ZC3H7B: variants seen among roughly 807,000 people sequenced by gnomAD.
ZC3H7B encodes zinc finger CCCH-type containing 7B.
In ZC3H7B, 35 loss-of-function variants were observed where a neutral mutation model predicts 116.0. The observed-to-expected ratio is 0.30, with a 90% CI of 0.23 to 0.40. The LOEUF (loss-of-function observed/expected upper bound fraction) is 0.40. ZC3H7B is among the 10% of genes least tolerant of loss of function. ZC3H7B has a pLI of 1.00. For missense variants in ZC3H7B, 1,011 were observed against 1,321.5 expected (o/e 0.77, Z 3.64); for synonymous variants, 502 against 545.6 (o/e 0.92, Z 1.11).
rs2036309731 is a variant in ZC3H7B, at chr22:41,325,705, A to G, written c.88-16A>G. The G allele has an allele frequency of 6.2e-7, 1 of 1,610,800 alleles. No individual in the cohort carries two copies. The highest frequency in any genetic ancestry group is 8.5e-7 in the Non-Finnish European group (1 of 1,178,708). On this transcript the variant is annotated splice_polypyrimidine_tract_variant and intron_variant, in intron 3 of 22. Coordinates refer to ENST00000352645, the MANE Select transcript of ZC3H7B (RefSeq NM_017590.6). ...GCCAGAGGTCATGAGCCCCCTACAC[A>G]CCTTGCCCCCAACAGGCCTTTCTGC... is the stretch of plus-strand genomic sequence containing the variant.
In ZC3H7B at chr22:41,355,528, C is replaced by T; in HGVS notation, c.2094C>T (p.Gly698=). The T allele has an allele frequency of 1.2e-6, 2 of 1,614,156 alleles. No homozygotes were observed. The highest frequency in any genetic ancestry group is 1.7e-6 in the Non-Finnish European group (2 of 1,180,024). Residue 698 remains glycine, a synonymous_variant, in exon 18 of 23, where the codon GGC becomes GGT. Transcript: ENST00000352645. ...TFDLQMKFVC[G]QCWRNGQVVE... is the part of the protein sequence containing the mutation. ...ACCTGCAGATGAAGTTTGTATGTGG[C>T]CAGTGCTGGAGAAACGGGCAGGTGG...
At chr22:41,329,135 G>A (rs1236528466) in intron 5 of ZC3H7B, among the ~76,000 whole-genome samples, 2 of 150,698 alleles carry the variant, frequency 1.3e-5, no homozygotes, top group African/African-American at 2.4e-5. Flanking sequence ...AACTCAGGAG[G>A]CAAAGGTTGT....
chr22:41,337,205 G>A (rs1192196397), intron 7 of ZC3H7B, among the ~76,000 whole-genome samples: 1 of 152,078 alleles, frequency 6.6e-6, no homozygotes, highest in Non-Finnish European at 1.5e-5. Flanking sequence ...ACGGGTGCCT[G>A]TAATTCCAGC....
At chr22:41,344,571 C>T (rs970287738) in intron 13 of ZC3H7B, among the ~76,000 whole-genome samples, 1 of 152,214 alleles carries the variant, frequency 6.6e-6, no homozygotes, top group Admixed American at 6.5e-5. Context: ...CCCTTCTCTG[C>T]GGTGCTTCCC....
chr22:41,337,094 C>A (rs191960856), intron 7 of ZC3H7B, among the ~76,000 whole-genome samples: 3 of 152,202 alleles, frequency 2.0e-5, no homozygotes, highest in African/African-American at 7.2e-5. Context: ...CAAGATCGCA[C>A]CATTGCACTC....
intron 2 of ZC3H7B, among the ~76,000 whole-genome samples, chr22:41,321,000 T>C (rs1601770612): frequency 6.6e-6 from 1 of 152,188 alleles, no homozygotes; most frequent in African/African-American, 2.4e-5. Context: ...TTCTCTTGCA[T>C]GACTGCACGA....
In ZC3H7B at chr22:41,339,989, G is replaced by A. The variant is rs2036498468; in HGVS notation, c.990G>A (p.Lys330=). Residue 330 remains lysine, a synonymous_variant, in exon 10 of 23, where the codon AAG becomes AAA. Transcript: ENST00000352645. ...GCTTGGTCATGGACCCCTCCAAGAAGCTGGCCGCCTCTGTGCTGGATGCCC... is the reference window on the plus strand; with the variant it reads ...GCTTGGTCATGGACCCCTCCAAGAAACTGGCCGCCTCTGTGCTGGATGCCC... The part of the protein sequence containing the change: ...SFGLVMDPSK[K]LAASVLDALD... 1 of 1,611,580 alleles carries A rather than the reference G, an allele frequency of 6.2e-7. No individual in the cohort carries two copies.
chr22:41,330,157 G>T, intron 6 of ZC3H7B, 54 bp downstream of exon 6: 1 of 1,595,168 alleles, frequency 6.3e-7, no homozygotes, highest in South Asian at 1.1e-5. Flanking sequence ...GAGGTCTGAA[G>T]GGAGGGACCA....
At chr22:41,322,299 T>A (rs2036268195) in intron 2 of ZC3H7B, among the ~76,000 whole-genome samples, 1 of 151,896 alleles carries the variant, frequency 6.6e-6, no homozygotes, top group Non-Finnish European at 1.5e-5. Flanking sequence ...GCAATTCTCC[T>A]GCCTCAGCCT....
At chr22:41,356,526 G>T in intron 21 of ZC3H7B, 50 bp downstream of exon 21, 1 of 1,611,806 alleles carries the variant, frequency 6.2e-7, no homozygotes, top group South Asian at 1.1e-5. Flanking sequence ...GCTGTGGTCT[G>T]AGCCTCACCT....
At chr22:41,310,686 AT>A (rs1792180588) in intron 1 of ZC3H7B, among the ~76,000 whole-genome samples, 1 of 152,132 alleles carries the variant, frequency 6.6e-6, no homozygotes, top group East Asian at 1.9e-4. Context: ...TCCAAATTTT[AT>A]TTTTTAATTT....
chr22:41,310,654 CTTATTTTTTAATTTTATAATTTCCAAATT>C (rs2036105804), intron 1 of ZC3H7B, among the ~76,000 whole-genome samples: 2 of 152,128 alleles, frequency 1.3e-5, no homozygotes, highest in Admixed American at 6.5e-5. Context: ...GTGATTCTGG[CTTATTTTTTAATTTTATAATTTCCAAATT>C]TTATTTTTTA....
At chr22:41,344,877 C>T (rs1166710815) in intron 13 of ZC3H7B, among the ~76,000 whole-genome samples, 5 of 152,208 alleles carry the variant, frequency 3.3e-5, no homozygotes, top group Non-Finnish European at 5.9e-5. Context: ...GCTGTTATAG[C>T]TCACTGCAGC....
rs116331526 is a variant in ZC3H7B, at chr22:41,337,358, C to T, written c.583-955C>T. Among the ~76,000 whole-genome samples, 1,196 of 151,814 alleles carry T rather than the reference C, an allele frequency of 7.9e-3. 14 individuals carry two copies. The highest frequency in any genetic ancestry group is 0.027 in the African/African-American group (1,130 of 41,410). Reference sequence around the variant, plus strand: ...AAAAAAACAAACCCAAAACACAAAGCACTTCCTGTGTGCCAGGCCCCGTTC... The same window carrying T: ...AAAAAAACAAACCCAAAACACAAAGTACTTCCTGTGTGCCAGGCCCCGTTC... On this transcript the variant is annotated intron_variant, in intron 7 of 22. Coordinates refer to ENST00000352645, the MANE Select transcript of ZC3H7B (RefSeq NM_017590.6).
At chr22:41,322,986 G>A (rs574604231) in intron 2 of ZC3H7B, among the ~76,000 whole-genome samples, 3 of 152,208 alleles carry the variant, frequency 2.0e-5, no homozygotes, top group Non-Finnish European at 4.4e-5. Context: ...CTTTTCACAC[G>A]CCCTCGGTAT....
Position 41,338,124 on chromosome 22 carries a change from TC to T in ZC3H7B, c.583-185del, listed in dbSNP as rs1234410803. On this transcript the variant is annotated intron_variant, in intron 7 of 22. Coordinates refer to ENST00000352645, the MANE Select transcript of ZC3H7B (RefSeq NM_017590.6). The surrounding 1 kb of genome is among the most constrained non-coding windows in gnomAD (Gnocchi z 4.5). ...CTCAGGTGATCCACCCACCTCAGCC[TC>T]CCCAAGTGCTGGGATTATAGGCATA... 6.6e-6 allele frequency among the ~76,000 whole-genome samples: 1 copy of T among 152,076 alleles called. No individual in the cohort carries two copies. The highest frequency in any genetic ancestry group is 1.5e-5 in the Non-Finnish European group (1 of 67,994).
At chr22:41,340,968 A>C in intron 10 of ZC3H7B, 120 bp from the exon 11 acceptor site, 1 of 897,892 alleles carries the variant, frequency 1.1e-6, no homozygotes, top group Admixed American at 2.2e-5. Context: ...CAGCAGGAGT[A>C]GGAGAGGATG....
chr22:41,343,330 G>A (rs893386587), intron 12 of ZC3H7B, 85 bp from the exon 13 acceptor site: 5 of 1,515,528 alleles, frequency 3.3e-6, no homozygotes, highest in East Asian at 2.3e-5. Flanking sequence ...GGAGGGGGCC[G>A]ATTCCTACCC....
intron 1 of ZC3H7B, among the ~76,000 whole-genome samples, chr22:41,306,028 G>T (rs2036036550): frequency 6.6e-6 from 1 of 152,144 alleles, no homozygotes; most frequent in South Asian, 2.1e-4. Context: ...CCAGAGAAAG[G>T]GTGTTCTAAG....
Sources: allele counts gnomAD v4.1 joint callset (sites outside exome capture counted in the v4.1 genomes callset), GRCh38; gene constraint gnomAD v4.1.1; non-coding constraint Gnocchi (gnomAD v3.1); transcripts MANE v1.5; gene names NCBI Gene and HGNC (gene_info 2026-07-23, HGNC 2026-07-21).